The following SYCP1 variants were observed in gnomAD, a reference collection of about 807,000 sequenced individuals.
The protein encoded by SYCP1 is synaptonemal complex protein 1.
A neutral mutation model predicts 153.1 loss-of-function variants in SYCP1; 64 were observed. That is an observed-to-expected ratio of 0.42 (90% CI 0.34 to 0.51). SYCP1 has a LOEUF of 0.51. Among genes scored for constraint, SYCP1 ranks in the 20% least tolerant of loss-of-function variants. The probability of loss-of-function intolerance (pLI) is 0.06; values close to 1 mark genes in which losing one functional copy is unlikely to be tolerated. For synonymous variants in SYCP1, 384 were observed against 341.8 expected (o/e 1.12, Z -1.36); for missense variants, 997 against 1,049.0 (o/e 0.95, Z 0.68).
At chr1:114,854,382 C>T (rs1238768163), upstream of SYCP1, among the ~76,000 whole-genome samples, 1 of 152,212 alleles carries the variant, frequency 6.6e-6, no homozygotes, top group African/African-American at 2.4e-5. Context: ...AAGCAGTCCT[C>T]CCGCCTTGGC....
At chr1:114,881,891 GTATAA>G (rs1458513288) in intron 12 of SYCP1, among the ~76,000 whole-genome samples, 2 of 152,098 alleles carry the variant, frequency 1.3e-5, no homozygotes, top group Admixed American at 6.6e-5. Flanking sequence ...AGCATTTACA[GTATAA>G]TATGTTAACT....
At chr1:114,857,168 A>AAAAAAAAAAAAAAAG in intron 3 of SYCP1, 64 bp from the exon 4 acceptor site, 1 of 789,560 alleles carries the variant, frequency 1.3e-6, no homozygotes, top group South Asian at 2.4e-5. Context: ...GAGAAAAAAG[A>AAAAAAAAAAAAAAAG]AAAAAAAAAA....
At chr1:114,960,550 C>T (rs1671725730) in intron 27 of SYCP1, among the ~76,000 whole-genome samples, 1 of 152,180 alleles carries the variant, frequency 6.6e-6, no homozygotes, top group South Asian at 2.1e-4. Flanking sequence ...TCCCTTTTCT[C>T]CACGTCCTCG....
At position 114,886,228 on chromosome 1, in the gene SYCP1, G is replaced by C. The variant is rs1666289433; in HGVS notation, c.1109G>C (p.Arg370Thr). ...CAAATGGAAGAATCTAATAAAGCTA[G>C]AGCTGCTCATTCGTTTGTGGTTACT... ...ETQMEESNKA[R>T]AAHSFVVTEF... The change falls in exon 14 of 32, where the codon AGA (arginine) becomes ACA (threonine). Residue 370 changes from arginine (R) to threonine (T), a missense_variant. By Grantham distance (71) the Arg-to-Thr change is moderately conservative. Coordinates refer to ENST00000369522, the MANE Select transcript of SYCP1 (RefSeq NM_003176.4). 6.2e-7 allele frequency: 1 copy of C among 1,610,910 alleles called. No individual in the cohort carries two copies. The highest frequency in any genetic ancestry group is 1.1e-5 in the South Asian group (1 of 90,284).
At chr1:114,866,239 T>A (rs994140996) in intron 8 of SYCP1, among the ~76,000 whole-genome samples, 3 of 152,180 alleles carry the variant, frequency 2.0e-5, no homozygotes, top group Non-Finnish European at 4.4e-5. Flanking sequence ...TATGTTTAGT[T>A]TTGTAAGAAA....
chr1:114,927,703 CAGA>C (rs141375678), intron 23 of SYCP1, among the ~76,000 whole-genome samples: 2,318 of 152,092 alleles, frequency 0.015, 54 homozygotes, highest in African/African-American at 0.053. Flanking sequence ...CAGAAGTACA[CAGA>C]AGAAGAGTTT....
chr1:114,874,633 A>G, intron 9 of SYCP1, 69 bp downstream of exon 9: 1 of 909,936 alleles, frequency 1.1e-6, no homozygotes, highest in Non-Finnish European at 1.7e-6. Context: ...GATTGCTACA[A>G]AGATATGGAC....
At chr1:114,987,598 A>C (rs1180018092) in intron 30 of SYCP1, among the ~76,000 whole-genome samples, 5 of 152,010 alleles carry the variant, frequency 3.3e-5, no homozygotes, top group Admixed American at 2.6e-4. Context: ...CCAGGAGTTC[A>C]AAGTTATAGT....
At chr1:114,903,574 A>T (rs1029968451) in intron 16 of SYCP1, among the ~76,000 whole-genome samples, 2 of 152,346 alleles carry the variant, frequency 1.3e-5, no homozygotes, top group African/African-American at 4.8e-5. Context: ...CTTACAATTC[A>T]TGGCCTTGTA....
At chr1:114,922,923 C>T (rs544827572) in intron 20 of SYCP1, among the ~76,000 whole-genome samples, 24 of 152,218 alleles carry the variant, frequency 1.6e-4, no homozygotes, top group Admixed American at 8.5e-4. Flanking sequence ...GAGAAATCAG[C>T]CAGAAGAATT....
At chr1:114,981,629 A>G in intron 29 of SYCP1, 117 bp downstream of exon 29, 1 of 980,554 alleles carries the variant, frequency 1.0e-6, no homozygotes, top group South Asian at 1.8e-5. Flanking sequence ...TGAAAGTTTC[A>G]ATTTTTTTTG....
chr1:114,974,843 A>G (rs1033161890), intron 27 of SYCP1, among the ~76,000 whole-genome samples: 12 of 151,868 alleles, frequency 7.9e-5, no homozygotes, highest in Admixed American at 7.9e-4. Flanking sequence ...TTTTGGATAT[A>G]TTTCCAGAAG....
At chr1:114,947,580 G>T (rs1292062011) in intron 27 of SYCP1, among the ~76,000 whole-genome samples, 4 of 151,778 alleles carry the variant, frequency 2.6e-5, no homozygotes, top group Non-Finnish European at 5.9e-5. Context: ...TTGGGAGGCC[G>T]AGGCGGGCGG....
At chr1:114,866,629 C>T (rs1436231999) in intron 8 of SYCP1, among the ~76,000 whole-genome samples, 1 of 151,900 alleles carries the variant, frequency 6.6e-6, no homozygotes, top group African/African-American at 2.4e-5. Flanking sequence ...TCAGATGTTT[C>T]TTTTGCAGAC....
chr1:114,914,113 T>C, intron 20 of SYCP1, 68 bp downstream of exon 20: 1 of 1,231,486 alleles, frequency 8.1e-7, no homozygotes. Flanking sequence ...TATTAACTTG[T>C]TATCATTAAT....
chr1:114,978,743 T>C (rs1392476840), intron 28 of SYCP1, among the ~76,000 whole-genome samples: 1 of 151,690 alleles, frequency 6.6e-6, no homozygotes, highest in Non-Finnish European at 1.5e-5. Flanking sequence ...AAAGGAAAGA[T>C]GCACTGAACC....
At chr1:114,963,871 T>A (rs1671937091) in intron 27 of SYCP1, among the ~76,000 whole-genome samples, 1 of 152,210 alleles carries the variant, frequency 6.6e-6, no homozygotes, top group Non-Finnish European at 1.5e-5. Context: ...TGATTTATAA[T>A]CCTTTGGGTA....
intron 27 of SYCP1, among the ~76,000 whole-genome samples, chr1:114,964,291 A>C (rs554886031): frequency 1.3e-5 from 2 of 152,296 alleles, no homozygotes; most frequent in South Asian, 4.1e-4. Context: ...TCAGATGGAT[A>C]GATTGCAAAA....
chr1:114,951,082 C>G lies in SYCP1; in HGVS notation c.2322+3762C>G, dbSNP rs191833050. The stretch of plus-strand genomic sequence containing the variant: ...CTTGTGATCCGCCCGCCTCAGCCCC[C>G]CAAAGTGCTGGGATTACAGGCGTGA... On this transcript the variant is annotated intron_variant, in intron 27 of 31. Coordinates refer to ENST00000369522, the MANE Select transcript of SYCP1 (RefSeq NM_003176.4). Among the ~76,000 whole-genome samples, 7 of 152,264 alleles carry G rather than the reference C, an allele frequency of 4.6e-5. No individual in the cohort carries two copies. The East Asian group carries it at 7.7e-4, about 17-fold the overall frequency.
Sources: allele counts gnomAD v4.1 joint callset (sites outside exome capture counted in the v4.1 genomes callset), GRCh38; gene constraint gnomAD v4.1.1; transcripts MANE v1.5; gene names NCBI Gene and HGNC (gene_info 2026-07-23, HGNC 2026-07-21).